Variants in PPARGC1A observed in about 807,000 individuals in gnomAD.
PPARGC1A encodes the protein PPARG coactivator 1 alpha.
Under a neutral mutation model 88.7 loss-of-function variants are expected in PPARGC1A, and 25 were observed. The ratio of observed to expected loss-of-function variants is 0.28; its 90% confidence interval spans 0.21 to 0.39. The LOEUF is 0.39. PPARGC1A is among the 10% of genes least tolerant of loss of function. The pLI is 1.00. For synonymous variants in PPARGC1A, 363 were observed against 355.6 expected, an observed-to-expected ratio of 1.02 and a Z score of -0.24; for missense variants, 880 against 968.7, an observed-to-expected ratio of 0.91 and a Z score of 1.22.
the PPARGC1A span, among the ~76,000 whole-genome samples, chr4:24,384,651 A>C: frequency 1.3e-5 from 2 of 152,180 alleles, no homozygotes. Context: ...AAAGAAGAGC[A>C]TTACATAATG....
the PPARGC1A span, among the ~76,000 whole-genome samples, chr4:24,412,061 A>T: frequency 6.6e-6 from 1 of 152,274 alleles, no homozygotes; most frequent in African/African-American, 2.4e-5. Flanking sequence ...ATATGTTAAG[A>T]GTATGTTTAG....
At chr4:24,044,169 A>T in the PPARGC1A span, among the ~76,000 whole-genome samples, 1 of 152,230 alleles carries the variant, frequency 6.6e-6, no homozygotes, top group Non-Finnish European at 1.5e-5. Context: ...TCTAAACAAG[A>T]ACCCCTGCTG....
the PPARGC1A span, among the ~76,000 whole-genome samples, chr4:24,367,760 A>G: frequency 6.6e-6 from 1 of 152,168 alleles, no homozygotes; most frequent in Non-Finnish European, 1.5e-5. Flanking sequence ...TTGTCGCTAG[A>G]GAAAAAATAA....
At chr4:24,101,281 G>T in the PPARGC1A span, among the ~76,000 whole-genome samples, 1 of 152,150 alleles carries the variant, frequency 6.6e-6, no homozygotes, top group Non-Finnish European at 1.5e-5. Context: ...AAAGGTGCCT[G>T]CTTCTCCTGC....
the PPARGC1A span, among the ~76,000 whole-genome samples, chr4:24,259,090 C>T: frequency 4.6e-5 from 7 of 152,050 alleles, no homozygotes; most frequent in African/African-American, 1.7e-4. Context: ...GACACCAATC[C>T]CAGAAAGATG....
the PPARGC1A span, among the ~76,000 whole-genome samples, chr4:23,942,277 C>T: frequency 2.0e-5 from 3 of 152,118 alleles, no homozygotes; most frequent in Non-Finnish European, 2.9e-5. Context: ...TCATTGAATT[C>T]ACTGAAAAAC....
chr4:23,814,652 GAGAC>G (rs1251383379), intron 7 of PPARGC1A, 47 bp from the exon 8 acceptor site: 2 of 1,424,672 alleles, frequency 1.4e-6, no homozygotes, highest in Non-Finnish European at 1.9e-6. Flanking sequence ...AGAAAGAAAA[GAGAC>G]AGAGATAATG....
chr4:24,019,394 T>C, the PPARGC1A span, among the ~76,000 whole-genome samples: 2 of 152,320 alleles, frequency 1.3e-5, no homozygotes, highest in East Asian at 3.9e-4. Flanking sequence ...AAAACTGAGA[T>C]ATAATGATTG....
At chr4:23,822,552 C>T (rs566954216) in intron 7 of PPARGC1A, among the ~76,000 whole-genome samples, 2 of 152,176 alleles carry the variant, frequency 1.3e-5, no homozygotes, top group South Asian at 2.1e-4. Context: ...TTTGATAACT[C>T]TTTTTCTCCC....
At chr4:23,903,810 A>G (rs759719835), upstream of PPARGC1A, among the ~76,000 whole-genome samples, 26 of 152,240 alleles carry the variant, frequency 1.7e-4, no homozygotes, top group Non-Finnish European at 3.5e-4. Flanking sequence ...ACAGCTTTAA[A>G]AAAAAATGAA....
At chr4:24,355,088 C>A in the PPARGC1A span, among the ~76,000 whole-genome samples, 5 of 152,248 alleles carry the variant, frequency 3.3e-5, no homozygotes, top group East Asian at 9.7e-4. Context: ...GTTGAAGGGA[C>A]TTACCGCAGC....
the PPARGC1A span, among the ~76,000 whole-genome samples, chr4:24,168,389 C>G: frequency 6.6e-6 from 1 of 152,136 alleles, no homozygotes. Context: ...AACTTTGTCT[C>G]CTCAATAAAT....
chr4:24,132,789 G>T, the PPARGC1A span, among the ~76,000 whole-genome samples: 1 of 151,442 alleles, frequency 6.6e-6, no homozygotes, highest in East Asian at 2.0e-4. Flanking sequence ...TCCTTTCAAA[G>T]GGTTCCTCTG....
chr4:23,847,674 A>G (rs1448500603), intron 2 of PPARGC1A, among the ~76,000 whole-genome samples: 1 of 152,204 alleles, frequency 6.6e-6, no homozygotes, highest in Non-Finnish European at 1.5e-5. Flanking sequence ...ACAATTATAT[A>G]GGTATACCTT....
At chr4:24,008,067 A>G in the PPARGC1A span, among the ~76,000 whole-genome samples, 2 of 152,322 alleles carry the variant, frequency 1.3e-5, no homozygotes, top group Non-Finnish European at 1.5e-5. Context: ...AGAACCGTGA[A>G]CAAAGCACGA....
At chr4:24,384,557 G>GAAAA in the PPARGC1A span, among the ~76,000 whole-genome samples, 1 of 38,438 alleles carries the variant, frequency 2.6e-5, no homozygotes, top group African/African-American at 1.3e-4. Flanking sequence ...CAAATGGAAA[G>GAAAA]CAAAAAAAAA....
chr4:24,055,847 G>C, the PPARGC1A span, among the ~76,000 whole-genome samples: 1 of 152,122 alleles, frequency 6.6e-6, no homozygotes, highest in South Asian at 2.1e-4. Flanking sequence ...GCACCAAGTC[G>C]CATCTCAGCT....
chr4:23,879,367 T>C (rs1715458821), intron 2 of PPARGC1A, among the ~76,000 whole-genome samples: 1 of 152,074 alleles, frequency 6.6e-6, no homozygotes, highest in Non-Finnish European at 1.5e-5. Context: ...GTGGATTGGG[T>C]TAAATATGTT....
chr4:23,992,059 T>G, the PPARGC1A span, among the ~76,000 whole-genome samples: 1 of 152,052 alleles, frequency 6.6e-6, no homozygotes, highest in African/African-American at 2.4e-5. Flanking sequence ...TGACATTCAC[T>G]GAACAACATA....
Sources: gnomAD v4.1 joint callset for allele counts (sites outside exome capture counted in the v4.1 genomes callset) on GRCh38, gnomAD v4.1.1 for gene constraint, MANE v1.5 for transcripts, NCBI Gene and HGNC (gene_info 2026-07-23, HGNC 2026-07-21) for gene names.